FAM227B: variants seen among roughly 807,000 people sequenced by gnomAD.
FAM227B encodes protein FAM227B.
A neutral mutation model predicts 73.8 loss-of-function variants in FAM227B; 88 were observed. That is an observed-to-expected ratio of 1.19 (90% CI 1.00 to 1.42). The LOEUF (loss-of-function observed/expected upper bound fraction) is 1.42. FAM227B is among the 40% of genes most tolerant of loss of function. The probability of loss-of-function intolerance (pLI) is 0.00; values close to 1 mark genes in which losing one functional copy is unlikely to be tolerated. For synonymous variants in FAM227B, 210 were observed against 190.5 expected (o/e 1.10, Z -0.84); for missense variants, 632 against 590.9 (o/e 1.07, Z -0.72).
At chr15:49,452,929 A>C (rs1162351819) in intron 11 of FAM227B, among the ~76,000 whole-genome samples, 8 of 152,178 alleles carry the variant, frequency 5.3e-5, no homozygotes, top group African/African-American at 1.9e-4. Context: ...AAAGTCAGGA[A>C]TTTATCACTT....
chr15:49,422,126 G>A (rs998569892), intron 11 of FAM227B, among the ~76,000 whole-genome samples: 4 of 140,978 alleles, frequency 2.8e-5, no homozygotes, highest in Admixed American at 1.4e-4. Context: ...CACATAGAGA[G>A]AGAGAGAGAG....
intron 11 of FAM227B, chr15:49,424,289 T>G (rs374130440): frequency 1.9e-4 from 310 of 1,610,436 alleles, no homozygotes; most frequent in Non-Finnish European, 2.5e-4. Flanking sequence ...CCCGGAGCAC[T>G]ACACTATAAT....
At chr15:49,402,645 C>A (rs923196724) in intron 11 of FAM227B, among the ~76,000 whole-genome samples, 2 of 152,136 alleles carry the variant, frequency 1.3e-5, no homozygotes, top group Non-Finnish European at 2.9e-5. Context: ...TATCCTGGGA[C>A]TTTGCTGAAG....
chr15:49,521,954 T>C (rs1225712024), intron 10 of FAM227B, among the ~76,000 whole-genome samples: 1 of 152,090 alleles, frequency 6.6e-6, no homozygotes, highest in African/African-American at 2.4e-5. Flanking sequence ...ATCAAGATAC[T>C]GGAGGGTGAT....
At chr15:49,495,104 A>G (rs998036996) in intron 11 of FAM227B, among the ~76,000 whole-genome samples, 1 of 152,218 alleles carries the variant, frequency 6.6e-6, no homozygotes, top group African/African-American at 2.4e-5. Flanking sequence ...AATTCATTTC[A>G]TAATATAATG....
intron 11 of FAM227B, among the ~76,000 whole-genome samples, chr15:49,491,253 C>T (rs1472920813): frequency 6.6e-6 from 1 of 151,796 alleles, no homozygotes; most frequent in East Asian, 1.9e-4. Context: ...GTTTCAAATT[C>T]CTTCCCATCT....
At chr15:49,559,626 G>A (rs184480143) in intron 9 of FAM227B, among the ~76,000 whole-genome samples, 363 of 152,124 alleles carry the variant, frequency 2.4e-3, no homozygotes, top group African/African-American at 8.3e-3. Context: ...CAGACAAGCA[G>A]GAACTAGCAT....
At chr15:49,433,538 C>T (rs1597155745) in intron 11 of FAM227B, among the ~76,000 whole-genome samples, 1 of 151,498 alleles carries the variant, frequency 6.6e-6, no homozygotes, top group Non-Finnish European at 1.5e-5. Context: ...AAAAGCCTTG[C>T]TGAAATAAAA....
chr15:49,347,927 G>A (rs1385026564), intron 13 of FAM227B, among the ~76,000 whole-genome samples: 1 of 149,366 alleles, frequency 6.7e-6, no homozygotes, highest in East Asian at 2.0e-4. Context: ...GCTGAGGCAG[G>A]AGAATTGTTT....
In FAM227B at chr15:49,420,806, C is replaced by T. The variant is rs1465233794; in HGVS notation, c.1013-49407G>A. 7.9e-5 allele frequency among the ~76,000 whole-genome samples: 12 copies of T among 152,268 alleles called. No homozygotes were observed. The East Asian group carries it at 2.3e-3, about 29-fold the overall frequency. ...CTGCAAGCTCTGCTTCCCAGGTTCA[C>T]ACCATTTTCCTGCCTCAGCCTCCCG... is the stretch of plus-strand genomic sequence containing the variant. On this transcript the variant is annotated intron_variant, in intron 11 of 15. Coordinates refer to ENST00000299338, the MANE Select transcript of FAM227B (RefSeq NM_152647.3).
intron 11 of FAM227B, among the ~76,000 whole-genome samples, chr15:49,392,490 TG>T (rs1343970051): frequency 5.9e-5 from 9 of 152,078 alleles, no homozygotes; most frequent in Admixed American, 5.9e-4. Context: ...GGTTCAAACA[TG>T]GAAAATGAAT....
At chr15:49,577,426 C>T (rs2075525417) in intron 6 of FAM227B, 2 of 462,360 alleles carry the variant, frequency 4.3e-6, no homozygotes, top group Admixed American at 4.0e-5. Context: ...TTGATATAAA[C>T]TCAAATGATC....
intron 11 of FAM227B, among the ~76,000 whole-genome samples, chr15:49,445,748 G>A (rs978617259): frequency 1.8e-4 from 28 of 151,538 alleles, no homozygotes; most frequent in African/African-American, 5.8e-4. Context: ...AAAACTGCAG[G>A]TATCTGTTTA....
At chr15:49,476,349 A>G (rs1447070839) in intron 11 of FAM227B, among the ~76,000 whole-genome samples, 1 of 151,650 alleles carries the variant, frequency 6.6e-6, no homozygotes, top group Non-Finnish European at 1.5e-5. Context: ...CAGATAGGAT[A>G]TCATAATTAA....
intron 11 of FAM227B, among the ~76,000 whole-genome samples, chr15:49,412,932 G>C (rs2048965771): frequency 6.6e-6 from 1 of 152,016 alleles, no homozygotes; most frequent in Admixed American, 6.6e-5. Flanking sequence ...ATTGGCCCTT[G>C]GGTGATAGCA....
intron 13 of FAM227B, chr15:49,366,509 G>T: frequency 7.4e-7 from 1 of 1,344,956 alleles, no homozygotes; most frequent in Non-Finnish European, 1.1e-6. Context: ...AATGGAAGTT[G>T]CATTTTCTAG....
intron 11 of FAM227B, among the ~76,000 whole-genome samples, chr15:49,497,201 T>C (rs951303692): frequency 2.6e-5 from 4 of 152,234 alleles, no homozygotes; most frequent in East Asian, 1.9e-4. Flanking sequence ...AAGTTCTTTA[T>C]GTGCAAGTTG....
chr15:49,565,254 C>T (rs557840870), intron 9 of FAM227B, among the ~76,000 whole-genome samples: 2 of 151,736 alleles, frequency 1.3e-5, no homozygotes, highest in Non-Finnish European at 1.5e-5. Flanking sequence ...TGGTGATGGG[C>T]ACCTATAGTC....
At chr15:49,558,190 C>T (rs774009799) in intron 9 of FAM227B, among the ~76,000 whole-genome samples, 25 of 151,988 alleles carry the variant, frequency 1.6e-4, no homozygotes, top group Non-Finnish European at 3.5e-4. Flanking sequence ...AGCACCCAGA[C>T]TAAAGACCGT....
Sources: allele counts gnomAD v4.1 joint callset (sites outside exome capture counted in the v4.1 genomes callset), GRCh38; gene constraint gnomAD v4.1.1; transcripts MANE v1.5; gene names NCBI Gene and HGNC (gene_info 2026-07-23, HGNC 2026-07-21).